The following SPOPL variants were observed in gnomAD, a reference collection of about 807,000 sequenced individuals.
SPOPL encodes the protein speckle type BTB/POZ protein like, also known as speckle-type POZ protein-like.
In SPOPL, 23 loss-of-function variants were observed where a neutral mutation model predicts 53.8. The observed-to-expected ratio is 0.43, with a 90% CI of 0.31 to 0.61. The LOEUF is 0.61. Among genes scored for constraint, SPOPL ranks in the 20% least tolerant of loss-of-function variants. The pLI is 0.12. For missense variants in SPOPL, 442 were observed against 466.9 expected, an observed-to-expected ratio of 0.95 and a Z score of 0.49; for synonymous variants, 164 against 149.7, an observed-to-expected ratio of 1.10 and a Z score of -0.70.
In SPOPL at chr2:138,570,009, A is replaced by C. The variant is rs544552261; in HGVS notation, c.*929A>C. ...AATAAGGTATAATTAATTGTGTCTTAACTTTTCAAAGAAATTTTTAGATGG... is the reference window on the plus strand; with the variant it reads ...AATAAGGTATAATTAATTGTGTCTTCACTTTTCAAAGAAATTTTTAGATGG... On this transcript the variant is annotated 3_prime_UTR_variant, in exon 11 of 11. Transcript: ENST00000280098. 6.6e-6 allele frequency: 1 copy of C among 152,664 alleles called. No individual in the cohort carries two copies. Among genetic ancestry groups the C allele is most frequent in the South Asian group, 2.1e-4 (1 of 4,828 alleles). The allele number at this position is 152,664 out of a possible 1,614,324, so 9.5% of individuals were successfully genotyped here.
At chr2:138,508,376 A>G (rs1336300829) in intron 1 of SPOPL, among the ~76,000 whole-genome samples, 1 of 152,234 alleles carries the variant, frequency 6.6e-6, no homozygotes, top group South Asian at 2.1e-4. Context: ...CCTTTTGCCC[A>G]GGCTGGAGTG....
intron 1 of SPOPL, among the ~76,000 whole-genome samples, chr2:138,529,522 GTGTGTGTGTGTGTT>G (rs1464946995): frequency 3.4e-5 from 5 of 148,172 alleles, no homozygotes; most frequent in African/African-American, 1.0e-4. Context: ...GTGTGTGTGT[GTGTGTGTGTGTGTT>G]TGCGTGCGCG....
At chr2:138,518,934 CAT>C (rs1035929986) in intron 1 of SPOPL, among the ~76,000 whole-genome samples, 1 of 152,220 alleles carries the variant, frequency 6.6e-6, no homozygotes, top group East Asian at 1.9e-4. Flanking sequence ...TATTGATACT[CAT>C]ATGAATAATT....
chr2:138,516,160 A>C (rs973696724), intron 1 of SPOPL, among the ~76,000 whole-genome samples: 7 of 152,136 alleles, frequency 4.6e-5, no homozygotes, highest in Admixed American at 2.0e-4. Context: ...AGAAGCAGAT[A>C]GTGGGTGGTT....
intron 1 of SPOPL, among the ~76,000 whole-genome samples, chr2:138,521,298 A>G (rs1354293235): frequency 1.3e-5 from 2 of 152,030 alleles, no homozygotes; most frequent in East Asian, 3.9e-4. Context: ...GTGCCAAAGA[A>G]TACATAGCCT....
chr2:138,507,711 C>G (rs1684243950), intron 1 of SPOPL, among the ~76,000 whole-genome samples: 1 of 152,230 alleles, frequency 6.6e-6, no homozygotes, highest in South Asian at 2.1e-4. Flanking sequence ...AGGTTTCTCA[C>G]TTGAACTTGT....
intron 1 of SPOPL, among the ~76,000 whole-genome samples, chr2:138,503,283 C>T (rs959200882): frequency 6.6e-6 from 1 of 152,166 alleles, no homozygotes; most frequent in Non-Finnish European, 1.5e-5. Flanking sequence ...GGGGAAGTTA[C>T]TTAATATTTC....
intron 1 of SPOPL, among the ~76,000 whole-genome samples, chr2:138,526,569 T>A (rs1031591813): frequency 6.6e-6 from 1 of 151,986 alleles, no homozygotes; most frequent in Non-Finnish European, 1.5e-5. Context: ...ACTGAGAGTA[T>A]ATTCTGATTT....
chr2:138,554,557 CT>C, intron 5 of SPOPL: 5 of 1,255,992 alleles, frequency 4.0e-6, no homozygotes, highest in Non-Finnish European at 3.1e-6. Context: ...GGGTGCTACC[CT>C]TTTTGCACAA....
intron 1 of SPOPL, among the ~76,000 whole-genome samples, chr2:138,506,442 T>G (rs980774578): frequency 6.6e-6 from 1 of 152,170 alleles, no homozygotes; most frequent in African/African-American, 2.4e-5. Flanking sequence ...GTTACAATAA[T>G]GTAGTCAAGA....
rs563961719 is a variant in SPOPL, at chr2:138,526,887, G to A, written c.-60-23270G>A. 3.9e-5 allele frequency among the ~76,000 whole-genome samples: 6 copies of A among 152,018 alleles called. 1 individual carries two copies. The South Asian group carries it at 6.2e-4, about 16-fold the overall frequency. ...GACTACAGCACCTGCCACCACACCCGGCTAATTTTTGTGTTTTTAGTAGAG... is the reference window on the plus strand; with the variant it reads ...GACTACAGCACCTGCCACCACACCCAGCTAATTTTTGTGTTTTTAGTAGAG... On this transcript the variant is annotated intron_variant, in intron 1 of 10. Transcript: ENST00000280098.
intron 1 of SPOPL, among the ~76,000 whole-genome samples, chr2:138,537,457 A>C (rs1468139841): frequency 6.6e-6 from 1 of 152,180 alleles, no homozygotes; most frequent in East Asian, 1.9e-4. Context: ...AGATAACACA[A>C]GCAGTTCAGT....
intron 1 of SPOPL, among the ~76,000 whole-genome samples, chr2:138,517,903 C>A (rs1684476316): frequency 6.6e-6 from 1 of 151,638 alleles, no homozygotes; most frequent in Non-Finnish European, 1.5e-5. Context: ...CAAAAATTAG[C>A]TGGGTGTGGT....
At chr2:138,545,755 A>G (rs1233441977) in intron 1 of SPOPL, among the ~76,000 whole-genome samples, 1 of 152,036 alleles carries the variant, frequency 6.6e-6, no homozygotes, top group Non-Finnish European at 1.5e-5. Flanking sequence ...TAAGTTTTTG[A>G]TTCAGTTCCA....
At chr2:138,525,664 A>AAAAAAAAAAAAAAAAAAAAAC (rs1684658281) in intron 1 of SPOPL, among the ~76,000 whole-genome samples, 2 of 38,606 alleles carry the variant, frequency 5.2e-5, no homozygotes, top group East Asian at 3.5e-4. Flanking sequence ...TAGAAAAAAA[A>AAAAAAAAAAAAAAAAAAAAAC]AAAAAAAAAA....
rs561303989 is a variant in SPOPL at position 138,535,396 on chromosome 2, T to C, written c.-60-14761T>C. On this transcript the variant is annotated intron_variant, in intron 1 of 10. Coordinates refer to ENST00000280098, the MANE Select transcript of SPOPL (RefSeq NM_001001664.3). ...GAATAGCTGGATCATGTGGTAATTC[T>C]ATGTTTAATTTTTTGAGGAATCCTT... 7.9e-5 allele frequency among the ~76,000 whole-genome samples: 12 copies of C among 152,314 alleles called. No individual in the cohort carries two copies. The South Asian group carries it at 2.1e-3, about 26-fold the overall frequency.
Position 138,550,725 on chromosome 2 carries a change from G to A in SPOPL, c.200+121G>A, listed in dbSNP as rs1182594136. The A allele has an allele frequency of 5.5e-6, 8 of 1,441,682 alleles. No individual in the cohort carries two copies. The African/African-American group carries it at 8.5e-5, about 15-fold the overall frequency. 89.3% of individuals were successfully genotyped at this position (1,441,682 alleles called of 1,614,324 possible). A position where few individuals can be genotyped will look rare whatever the true frequency, so the allele number is the denominator to read the frequency against. ...AATGTAATTTCATATTAGATTGGTA[G>A]TATGTTCCTAATAGTGTGGGGAATT... On this transcript the variant is annotated intron_variant, in intron 3 of 10. Coordinates refer to ENST00000280098, the MANE Select transcript of SPOPL (RefSeq NM_001001664.3).
At chr2:138,523,693 A>G (rs1007329667) in intron 1 of SPOPL, among the ~76,000 whole-genome samples, 3 of 152,206 alleles carry the variant, frequency 2.0e-5, no homozygotes, top group African/African-American at 7.2e-5. Flanking sequence ...GCCCCCATGC[A>G]AATTCAAAAT....
Position 138,572,468 on chromosome 2 carries a change from G to T in SPOPL, c.*3388G>T, listed in dbSNP as rs1685808020. The T allele has an allele frequency of 6.6e-6, 1 of 152,260 alleles. No individual in the cohort carries two copies. Among genetic ancestry groups the T allele is most frequent in the Non-Finnish European group, 1.5e-5 (1 of 67,992 alleles). The allele number at this position is 152,260 out of a possible 1,614,324, so 9.4% of individuals were successfully genotyped here. A position where few individuals can be genotyped will look rare whatever the true frequency, so the allele number is the denominator to read the frequency against. ...AAATGTGGGTCATAGATATGACCCAGTGTTACTAAAATAGAACAGGGATTG... is the reference window on the plus strand; with the variant it reads ...AAATGTGGGTCATAGATATGACCCATTGTTACTAAAATAGAACAGGGATTG... On this transcript the variant is annotated 3_prime_UTR_variant, in exon 11 of 11. Coordinates refer to ENST00000280098, the MANE Select transcript of SPOPL (RefSeq NM_001001664.3).
Sources: gnomAD v4.1 joint callset for allele counts (sites outside exome capture counted in the v4.1 genomes callset) on GRCh38, gnomAD v4.1.1 for gene constraint, MANE v1.5 for transcripts, NCBI Gene and HGNC (gene_info 2026-07-23, HGNC 2026-07-21) for gene names.